RAB38: variants seen among roughly 807,000 people sequenced by gnomAD.
The protein encoded by RAB38 is ras-related protein Rab-38.
RAB38 carries 15 observed loss-of-function variants against 18.4 expected under a neutral mutation model. The observed-to-expected ratio is 0.82, with a 90% confidence interval of 0.55 to 1.26. The LOEUF is 1.26. RAB38 is among the 50% of genes most tolerant of loss of function. The probability of loss-of-function intolerance (pLI) is 0.00; values close to 1 mark genes in which losing one functional copy is unlikely to be tolerated. For synonymous variants in RAB38, 101 were observed against 104.4 expected, an observed-to-expected ratio of 0.97 and a Z score of 0.20; for missense variants, 294 against 267.4, an observed-to-expected ratio of 1.10 and a Z score of -0.69.
chr11:87,947,657 A>AT, the RAB38 span, among the ~76,000 whole-genome samples: 46 of 152,276 alleles, frequency 3.0e-4, 1 homozygote, highest in Non-Finnish European at 5.4e-4. Flanking sequence ...TCCTTTCCCC[A>AT]TTTCATGTTT....
downstream of RAB38, among the ~76,000 whole-genome samples, chr11:88,112,932 A>G (rs1274636508): frequency 1.3e-5 from 2 of 152,150 alleles, no homozygotes; most frequent in Middle Eastern, 3.2e-3. Context: ...GTCACAATGC[A>G]TATTTTATTG....
chr11:88,017,375 AC>A, the RAB38 span, among the ~76,000 whole-genome samples: 1 of 151,956 alleles, frequency 6.6e-6, no homozygotes, highest in Non-Finnish European at 1.5e-5. Flanking sequence ...ACACACACAC[AC>A]ACACAAACGC....
At chr11:87,907,247 C>T in the RAB38 span, among the ~76,000 whole-genome samples, 10,123 of 151,880 alleles carry the variant, frequency 0.067, 395 homozygotes, top group South Asian at 0.11. Flanking sequence ...TGATTTGATA[C>T]GTGAAACACA....
chr11:88,129,761 T>C (rs964143246), intron 2 of RAB38, among the ~76,000 whole-genome samples: 4 of 152,206 alleles, frequency 2.6e-5, no homozygotes, highest in Non-Finnish European at 5.9e-5. Flanking sequence ...ATTTTTAATA[T>C]ACAGATACAC....
intron 2 of RAB38, among the ~76,000 whole-genome samples, chr11:88,142,789 G>C (rs1277039266): frequency 6.6e-6 from 1 of 152,164 alleles, no homozygotes; most frequent in Non-Finnish European, 1.5e-5. Context: ...AGAAAGATGA[G>C]AAAAAGATAG....
chr11:87,899,217 G>A, the RAB38 span, among the ~76,000 whole-genome samples: 1 of 151,632 alleles, frequency 6.6e-6, no homozygotes, highest in Non-Finnish European at 1.5e-5. Context: ...GACGGAAGGT[G>A]TGGCTCCCAA....
chr11:87,919,355 G>A, the RAB38 span, among the ~76,000 whole-genome samples: 4 of 151,576 alleles, frequency 2.6e-5, no homozygotes, highest in African/African-American at 9.7e-5. Context: ...TTCATCTGTT[G>A]AGATTATCAT....
At chr11:87,840,615 A>G in the RAB38 span, among the ~76,000 whole-genome samples, 1 of 152,198 alleles carries the variant, frequency 6.6e-6, no homozygotes, top group African/African-American at 2.4e-5. Context: ...ACCCAGTGAT[A>G]TAAGTCTATT....
chr11:87,887,349 G>A, the RAB38 span, among the ~76,000 whole-genome samples: 3 of 151,894 alleles, frequency 2.0e-5, no homozygotes, highest in Non-Finnish European at 4.4e-5. Context: ...TCCTTCAGTG[G>A]CCAAAACAGG....
chr11:87,866,736 G>C, the RAB38 span, among the ~76,000 whole-genome samples: 2,980 of 151,814 alleles, frequency 0.02, 37 homozygotes, highest in African/African-American at 0.039. Context: ...AAGCTCCTCT[G>C]ATCCCCAAGC....
the RAB38 span, among the ~76,000 whole-genome samples, chr11:88,087,536 C>G: frequency 1.3e-5 from 2 of 151,910 alleles, no homozygotes; most frequent in African/African-American, 4.8e-5. Flanking sequence ...TTGAATGGCA[C>G]TGCTCCTTGA....
At chr11:88,020,535 A>C in the RAB38 span, among the ~76,000 whole-genome samples, 1 of 152,196 alleles carries the variant, frequency 6.6e-6, no homozygotes, top group South Asian at 2.1e-4. Flanking sequence ...TCATCACCAG[A>C]CAGGTATCCC....
chr11:87,851,374 A>G, the RAB38 span, among the ~76,000 whole-genome samples: 1 of 152,190 alleles, frequency 6.6e-6, no homozygotes, highest in African/African-American at 2.4e-5. Flanking sequence ...TACCACTTAA[A>G]ATAAAAATGA....
chr11:88,090,029 T>C, the RAB38 span, among the ~76,000 whole-genome samples: 6 of 151,892 alleles, frequency 4.0e-5, no homozygotes, highest in Non-Finnish European at 8.8e-5. Flanking sequence ...GAGAGGGTGT[T>C]AGCCTTCTAG....
chr11:87,817,429 T>C, the RAB38 span: 104 of 152,306 alleles, frequency 6.8e-4, 3 homozygotes, highest in East Asian at 0.02. Flanking sequence ...CTCATTTAAG[T>C]CATTTAAGCA....
chr11:87,818,301 A>G, the RAB38 span, among the ~76,000 whole-genome samples: 1 of 152,240 alleles, frequency 6.6e-6, no homozygotes, highest in Non-Finnish European at 1.5e-5. Flanking sequence ...CTAGTATGCC[A>G]TATTTTAAAA....
chr11:88,025,329 C>T, the RAB38 span, among the ~76,000 whole-genome samples: 1 of 151,770 alleles, frequency 6.6e-6, no homozygotes, highest in Non-Finnish European at 1.5e-5. Context: ...GTGAATAGTA[C>T]AGCGATGAAC....
chr11:87,923,254 G>A, the RAB38 span, among the ~76,000 whole-genome samples: 7 of 151,806 alleles, frequency 4.6e-5, no homozygotes, highest in South Asian at 2.1e-4. Context: ...AAATGAAACC[G>A]GAAAGAGACG....
At chr11:88,081,130 A>G in the RAB38 span, among the ~76,000 whole-genome samples, 1 of 151,934 alleles carries the variant, frequency 6.6e-6, no homozygotes, top group Non-Finnish European at 1.5e-5. Flanking sequence ...AAGACACAAA[A>G]TTTACAATAT....
Sources: gnomAD v4.1 joint callset for allele counts (sites outside exome capture counted in the v4.1 genomes callset) on GRCh38, gnomAD v4.1.1 for gene constraint, MANE v1.5 for transcripts, NCBI Gene and HGNC (gene_info 2026-07-23, HGNC 2026-07-21) for gene names.